The following COL12A1 variants were observed in gnomAD, a reference collection of about 807,000 sequenced individuals.
The protein encoded by COL12A1 is collagen type XII alpha 1 chain, also known as collagen alpha-1(XII) chain.
A neutral mutation model predicts 349.7 loss-of-function variants in COL12A1; 114 were observed. The ratio of observed to expected loss-of-function variants is 0.33; its 90% CI spans 0.28 to 0.38. The LOEUF is 0.38. Ranked by LOEUF, COL12A1 falls within the 10% of genes least tolerant of loss-of-function variation. COL12A1 has a pLI of 1.00. For missense variants in COL12A1, 3,284 were observed against 3,756.9 expected, an observed-to-expected ratio of 0.87 and a Z score of 3.29; for synonymous variants, 1,369 against 1,329.0, an observed-to-expected ratio of 1.03 and a Z score of -0.66.
chr6:75,130,211 G>A lies in COL12A1; in HGVS notation c.6090C>T (p.Asn2030=). Residue 2030 remains asparagine (N), a synonymous_variant, in exon 37 of 66, where the codon AAC becomes AAT. Coordinates refer to ENST00000322507, the MANE Select transcript of COL12A1 (RefSeq NM_004370.6). ...TGGTTGTTTCACCAAAGACTCTCAG[G>A]TTCCTTGGTCCACTGCGTGGTACTA... ...GRTLPRSGPR[N]LRVFGETTNS... is the part of the protein sequence containing the mutation. 1 of 1,613,950 alleles carries A rather than the reference G, an allele frequency of 6.2e-7. No homozygotes were observed. The highest frequency in any genetic ancestry group is 8.5e-7 in the Non-Finnish European group (1 of 1,179,962).
At chr6:75,198,864 T>TAAAGATAA (rs1770374031) in intron 2 of COL12A1, among the ~76,000 whole-genome samples, 2 of 152,206 alleles carry the variant, frequency 1.3e-5, no homozygotes, top group East Asian at 3.8e-4. Flanking sequence ...TAGTTTGATA[T>TAAAGATAA]CTGTGATAAC....
chr6:75,133,950 T>C lies in COL12A1; in HGVS notation c.5572A>G (p.Ser1858Gly). 6.2e-7 allele frequency: 1 copy of C among 1,614,132 alleles called. No individual in the cohort carries two copies. Among genetic ancestry groups the C allele is most frequent in the Non-Finnish European group, 8.5e-7 (1 of 1,179,996 alleles). The change falls in exon 33 of 66, where the codon AGC becomes GGC. Residue 1858 changes from serine to glycine, a missense_variant. By Grantham distance (56) the Ser-to-Gly change is moderately conservative. This residue lies in a region of COL12A1 where 2,601 missense variants were observed against 2,824.8 expected (regional missense o/e 0.92). Transcript: ENST00000322507. ...RNLRVYDPST[S>G]TLNVRWDHAE... The stretch of plus-strand genomic sequence containing the variant: ...TGGTCCCAGCGGACATTCAAGGTGC[T>C]GGTAGAAGGGTCATACACTCTCAGG...
chr6:75,194,023 T>G (rs1041678395), intron 3 of COL12A1, among the ~76,000 whole-genome samples: 11 of 152,168 alleles, frequency 7.2e-5, no homozygotes, highest in African/African-American at 2.7e-4. Flanking sequence ...TGTGAATAAG[T>G]GCCACAATGA....
At chr6:75,131,275 C>A (rs1226843911) in intron 35 of COL12A1, among the ~76,000 whole-genome samples, 1 of 152,008 alleles carries the variant, frequency 6.6e-6, no homozygotes, top group Non-Finnish European at 1.5e-5. Context: ...GATATTTCCC[C>A]AAAAAACATC....
intron 2 of COL12A1, among the ~76,000 whole-genome samples, chr6:75,198,756 G>A (rs1333582422): frequency 6.6e-6 from 1 of 152,088 alleles, no homozygotes; most frequent in Non-Finnish European, 1.5e-5. Context: ...AGGGAGTAGA[G>A]GAGTCTAATA....
At chr6:75,095,052 A>C in intron 60 of COL12A1, 56 bp downstream of exon 60, 1 of 1,477,594 alleles carries the variant, frequency 6.8e-7, no homozygotes, top group Non-Finnish European at 9.4e-7. Flanking sequence ...TGCAGTTCTC[A>C]TTATTTATTT....
chr6:75,191,721 G>C lies in COL12A1; in HGVS notation c.374C>G (p.Pro125Arg), dbSNP rs1296451811. ...CTCACTTTGTATCTCGGTTTTTCCA[G>C]GTTTCTTCTCCACTGGCTTTGTCGA... The part of the protein sequence containing the change: ...GSSTKPVEKK[P>R]GKTEIQKCSV... The change falls in exon 5 of 66, where the codon CCT (proline) becomes CGT (arginine). Residue 125 changes from proline to arginine, a missense_variant. By Grantham distance (103) the Pro-to-Arg change is moderately radical. This residue lies in a region of COL12A1 where 2,601 missense variants were observed against 2,824.8 expected (regional missense o/e 0.92). Coordinates refer to ENST00000322507, the MANE Select transcript of COL12A1 (RefSeq NM_004370.6). 1.3e-6 allele frequency: 2 copies of C among 1,593,222 alleles called. No individual in the cohort carries two copies. The highest frequency in any genetic ancestry group is 1.7e-6 in the Non-Finnish European group (2 of 1,169,992).
Position 75,183,752 on chromosome 6 carries a change from C to A in COL12A1, c.1289-100G>T. 12 of 1,487,788 alleles carry A rather than the reference C, an allele frequency of 8.1e-6. No homozygotes were observed. In the South Asian group the frequency reaches 1.5e-4, roughly 18 times the overall value. The allele number at this position is 1,487,788 out of a possible 1,614,324, so 92.2% of individuals were successfully genotyped here. On this transcript the variant is annotated intron_variant, in intron 9 of 65. Coordinates refer to ENST00000322507, the MANE Select transcript of COL12A1 (RefSeq NM_004370.6). ...TAAGCGTGCTTCTTTAAAAAAAAAA[C>A]TATTGCAAATATTTCATTCAAAACT...
intron 43 of COL12A1, among the ~76,000 whole-genome samples, chr6:75,122,531 A>G (rs1765795061): frequency 6.6e-6 from 1 of 152,042 alleles, no homozygotes; most frequent in Non-Finnish European, 1.5e-5. Flanking sequence ...AAAAGAAAAA[A>G]CTTGTTTTTA....
chr6:75,173,755 G>C (rs1357659516), intron 13 of COL12A1, among the ~76,000 whole-genome samples: 2 of 152,074 alleles, frequency 1.3e-5, no homozygotes, highest in African/African-American at 4.8e-5. Context: ...ACTGCCTATT[G>C]TATGTCCTGT....
chr6:75,115,906 T>G lies in COL12A1; in HGVS notation c.7575A>C (p.Glu2525Asp). 2.5e-6 allele frequency: 4 copies of G among 1,613,088 alleles called. 1 individual carries two copies. The South Asian group carries it at 4.4e-5, about 18-fold the overall frequency. ...AATTCTTTTCTGTCAGGTTGTATGC[T>G]TCAAGCATTTTAAAACCTTTACATC... is the stretch of plus-strand genomic sequence containing the variant. ...GYTSPGFKMLEAYNLTEKNFA... is the reference protein window; with the variant it reads ...GYTSPGFKMLDAYNLTEKNFA... Residue 2525 changes from glutamate to aspartate, a missense_variant, in exon 49 of 66, where the codon GAA (glutamate) becomes GAC (aspartate). Physicochemically the swap from Glu to Asp is conservative, Grantham distance 45. Transcript: ENST00000322507.
Position 75,116,051 on chromosome 6 carries a change from G to C in COL12A1, c.7526C>G (p.Pro2509Arg), listed in dbSNP as rs781184043. 36 of 1,612,982 alleles carry C rather than the reference G, an allele frequency of 2.2e-5. No individual in the cohort carries two copies. Among genetic ancestry groups the C allele is most frequent in the Non-Finnish European group, 3.0e-5 (35 of 1,179,480 alleles). The change falls in exon 48 of 66, where the codon CCT becomes CGT. Residue 2509 changes from proline to arginine, a missense_variant. Around this residue, in one of 2 missense-constraint regions of COL12A1, gnomAD observed 683 missense variants for 932.1 expected, o/e 0.73. Transcript: ENST00000322507. ...GGTGTAGCCATCCAAATAAATGAGA[G>C]GACAACCTGCAATGTACAGTGTTCT... Reference protein sequence around the residue: ...FVCETATSSCPLIYLDGYTSP... With the variant: ...FVCETATSSCRLIYLDGYTSP...
At chr6:75,109,315 G>T (rs1768718050) in intron 51 of COL12A1, 148 bp from the exon 52 acceptor site, 2 of 579,780 alleles carry the variant, frequency 3.4e-6, no homozygotes, top group Admixed American at 3.9e-5. Flanking sequence ...AGAGCAGTTG[G>T]CAATGTTGAT....
chr6:75,095,461 C>A (rs1767961918), intron 59 of COL12A1, among the ~76,000 whole-genome samples: 1 of 151,254 alleles, frequency 6.6e-6, no homozygotes, highest in African/African-American at 2.4e-5. Flanking sequence ...ACTAAAAATA[C>A]AAAAAATTAG....
intron 57 of COL12A1, 24 bp from the exon 58 acceptor site, chr6:75,101,677 T>C (rs1201914946): frequency 6.2e-7 from 1 of 1,608,586 alleles, no homozygotes; most frequent in Non-Finnish European, 8.5e-7. Context: ...AACAAACAAG[T>C]GAAACATTAT....
intron 2 of COL12A1, among the ~76,000 whole-genome samples, chr6:75,199,177 C>A (rs1244614331): frequency 6.6e-6 from 1 of 152,152 alleles, no homozygotes; most frequent in African/African-American, 2.4e-5. Flanking sequence ...CACAGTGTGA[C>A]CAAACCAGCA....
At position 75,202,833 on chromosome 6, in the gene COL12A1, G is replaced by A. The variant is rs997403383; in HGVS notation, c.-35-6C>T. ...TTACAGCGGCATGAAGAGATCTGCGGGAGGAAGTAGTGACTGCATCAGAAC... is the reference window on the plus strand; with the variant it reads ...TTACAGCGGCATGAAGAGATCTGCGAGAGGAAGTAGTGACTGCATCAGAAC... On this transcript the variant is annotated splice_polypyrimidine_tract_variant and splice_region_variant and intron_variant, in intron 1 of 65. Coordinates refer to ENST00000322507, the MANE Select transcript of COL12A1 (RefSeq NM_004370.6). 6.5e-7 allele frequency: 1 copy of A among 1,536,880 alleles called. No homozygotes were observed.
chr6:75,203,044 A>G (rs959104858), intron 1 of COL12A1, among the ~76,000 whole-genome samples: 1 of 152,214 alleles, frequency 6.6e-6, no homozygotes, highest in African/African-American at 2.4e-5. Flanking sequence ...AAGTTTAAAA[A>G]GGGTCCTGTT....
intron 22 of COL12A1, 128 bp downstream of exon 22, chr6:75,148,230 T>C: frequency 1.2e-6 from 1 of 836,468 alleles, no homozygotes; most frequent in Non-Finnish European, 1.8e-6. Context: ...TAGAAAGCAC[T>C]ATTCTTGACT....
Sources: allele counts gnomAD v4.1 joint callset (sites outside exome capture counted in the v4.1 genomes callset), GRCh38; gene constraint gnomAD v4.1.1; regional missense constraint gnomAD v4.1.1; transcripts MANE v1.5; gene names NCBI Gene and HGNC (gene_info 2026-07-23, HGNC 2026-07-21).